The following PHYHIPL variants were observed in gnomAD, a reference collection of about 807,000 sequenced individuals.
PHYHIPL encodes the protein phytanoyl-CoA 2-hydroxylase interacting protein like, also known as phytanoyl-CoA hydroxylase-interacting protein-like.
Under a neutral mutation model 33.4 loss-of-function variants are expected in PHYHIPL, and 9 were observed. The observed-to-expected ratio is 0.27, with a 90% CI of 0.16 to 0.47. The LOEUF is 0.47. PHYHIPL is among the 20% of genes least tolerant of loss of function. The pLI is 0.99. For synonymous variants in PHYHIPL, 153 were observed against 154.1 expected (o/e 0.99, Z 0.05); for missense variants, 365 against 460.7 (o/e 0.79, Z 1.90).
At chr10:59,184,914 CTTGCGATAGT>C (rs1431365371) in intron 1 of PHYHIPL, among the ~76,000 whole-genome samples, 1 of 150,924 alleles carries the variant, frequency 6.6e-6, no homozygotes, top group Non-Finnish European at 1.5e-5. Flanking sequence ...GTTTTTTGTC[CTTGCGATAGT>C]TTGCTGAGAA....
intron 2 of PHYHIPL, 26 bp downstream of exon 2, chr10:59,234,526 A>G: frequency 6.9e-7 from 1 of 1,459,304 alleles, no homozygotes; most frequent in South Asian, 1.4e-5. Flanking sequence ...TACTCATGCT[A>G]ATTTGCATCT....
At chr10:59,211,548 G>T (rs1839440709) in intron 1 of PHYHIPL, among the ~76,000 whole-genome samples, 1 of 149,664 alleles carries the variant, frequency 6.7e-6, no homozygotes, top group Non-Finnish European at 1.5e-5. Context: ...AGCTAATTTT[G>T]TGCTTTTAGT....
intron 2 of PHYHIPL, among the ~76,000 whole-genome samples, chr10:59,235,436 A>T (rs1451924749): frequency 6.6e-6 from 1 of 151,732 alleles, no homozygotes; most frequent in Non-Finnish European, 1.5e-5. Flanking sequence ...TTTAATATTG[A>T]TATTAAGTTT....
intron 1 of PHYHIPL, among the ~76,000 whole-genome samples, chr10:59,186,337 G>T (rs535640214): frequency 6.6e-6 from 1 of 152,132 alleles, no homozygotes; most frequent in African/African-American, 2.4e-5. Flanking sequence ...CTCTGTTTTG[G>T]TACCAGTACC....
intron 1 of PHYHIPL, among the ~76,000 whole-genome samples, chr10:59,190,524 G>T (rs1838755629): frequency 6.6e-6 from 1 of 151,750 alleles, no homozygotes; most frequent in African/African-American, 2.4e-5. Context: ...ATACTTTTCT[G>T]CTGATTCTGT....
intron 1 of PHYHIPL, among the ~76,000 whole-genome samples, chr10:59,204,759 G>A (rs986072426): frequency 2.6e-5 from 4 of 151,186 alleles, no homozygotes; most frequent in African/African-American, 9.7e-5. Flanking sequence ...ATATTTTTAT[G>A]CTTCCATATG....
At chr10:59,222,686 A>G (rs1180268383) in intron 1 of PHYHIPL, among the ~76,000 whole-genome samples, 11 of 151,144 alleles carry the variant, frequency 7.3e-5, no homozygotes, top group Non-Finnish European at 1.2e-4. Flanking sequence ...ATACTTGAAT[A>G]TATCTGGACA....
chr10:59,204,423 CT>C (rs1447075663), intron 1 of PHYHIPL, among the ~76,000 whole-genome samples: 1 of 152,098 alleles, frequency 6.6e-6, no homozygotes, highest in Non-Finnish European at 1.5e-5. Context: ...TGTATGATGA[CT>C]TTTAACAGAA....
At chr10:59,226,256 G>T (rs1445391228) in intron 1 of PHYHIPL, among the ~76,000 whole-genome samples, 1 of 152,076 alleles carries the variant, frequency 6.6e-6, no homozygotes, top group Admixed American at 6.6e-5. Flanking sequence ...GAAACACTTA[G>T]AATTTTTCTT....
chr10:59,201,138 A>C (rs902721769), intron 1 of PHYHIPL, among the ~76,000 whole-genome samples: 1 of 151,988 alleles, frequency 6.6e-6, no homozygotes, highest in Non-Finnish European at 1.5e-5. Flanking sequence ...TAGTTCTTTT[A>C]ATTGTGATGT....
intron 1 of PHYHIPL, among the ~76,000 whole-genome samples, chr10:59,192,678 G>A (rs1589263169): frequency 6.6e-6 from 1 of 152,222 alleles, no homozygotes; most frequent in East Asian, 1.9e-4. Context: ...AAAATTAGGG[G>A]TGGAATTAAA....
chr10:59,221,623 C>T (rs1001023848), intron 1 of PHYHIPL: 23 of 949,760 alleles, frequency 2.4e-5, no homozygotes, highest in African/African-American at 8.9e-5. Context: ...TTTTGTGCTG[C>T]TTCTCATGTC....
chr10:59,223,070 A>C (rs1269274863), intron 1 of PHYHIPL, among the ~76,000 whole-genome samples: 1 of 152,208 alleles, frequency 6.6e-6, no homozygotes, highest in Admixed American at 6.5e-5. Context: ...GTAACTAATC[A>C]TTGTGTACTT....
At chr10:59,221,662 A>G (rs1839780316) in intron 1 of PHYHIPL, 1 of 984,538 alleles carries the variant, frequency 1.0e-6, no homozygotes. Flanking sequence ...TGTTTCTTCT[A>G]TGAACTGTGG....
intron 1 of PHYHIPL, among the ~76,000 whole-genome samples, chr10:59,189,161 T>C (rs555184213): frequency 6.6e-6 from 1 of 152,178 alleles, no homozygotes; most frequent in Admixed American, 6.6e-5. Context: ...CTTTCTGTCT[T>C]CCATAGTCTA....
intron 1 of PHYHIPL, among the ~76,000 whole-genome samples, chr10:59,194,548 T>A (rs181680512): frequency 8.3e-4 from 127 of 152,292 alleles, no homozygotes; most frequent in African/African-American, 3.0e-3. Context: ...TGATGTGCCA[T>A]ATTTTAAGGA....
intron 1 of PHYHIPL, among the ~76,000 whole-genome samples, chr10:59,206,044 A>AT (rs1839275133): frequency 6.6e-6 from 1 of 152,162 alleles, no homozygotes. Flanking sequence ...TTAAACTCTT[A>AT]TTTTAACTTC....
intron 1 of PHYHIPL, among the ~76,000 whole-genome samples, chr10:59,225,798 T>A (rs905887454): frequency 6.6e-6 from 1 of 152,160 alleles, no homozygotes; most frequent in East Asian, 1.9e-4. Flanking sequence ...TTTAATAGCA[T>A]CCTCTTGTAG....
At chr10:59,185,236 C>T (rs1237827971) in intron 1 of PHYHIPL, among the ~76,000 whole-genome samples, 11 of 151,958 alleles carry the variant, frequency 7.2e-5, no homozygotes, top group Non-Finnish European at 1.0e-4. Context: ...GTGATCCGCC[C>T]GCCTCGGCCT....
Sources: allele counts gnomAD v4.1 joint callset (sites outside exome capture counted in the v4.1 genomes callset), GRCh38; gene constraint gnomAD v4.1.1; transcripts MANE v1.5; gene names NCBI Gene and HGNC (gene_info 2026-07-23, HGNC 2026-07-21).